The following RELN variants were observed in gnomAD, a reference collection of about 807,000 sequenced individuals.
RELN encodes reelin.
A neutral mutation model predicts 427.6 loss-of-function variants in RELN; 108 were observed. That is an observed-to-expected ratio of 0.25 (90% CI 0.22 to 0.30). The LOEUF is 0.30. Among genes scored for constraint, RELN ranks in the 10% least tolerant of loss-of-function variants. The pLI is 1.00. For synonymous variants in RELN, 1,524 were observed against 1,513.4 expected (o/e 1.01, Z -0.16); for missense variants, 3,715 against 4,302.8 (o/e 0.86, Z 3.82).
intron 2 of RELN, among the ~76,000 whole-genome samples, chr7:103,852,642 A>T (rs1793851588): frequency 6.6e-6 from 1 of 152,038 alleles, no homozygotes; most frequent in Non-Finnish European, 1.5e-5. Flanking sequence ...TTTCTGGCAA[A>T]GAAACTTCAT....
At chr7:103,627,955 C>G (rs1449855808) in intron 20 of RELN, 1 of 152,166 alleles carries the variant, frequency 6.6e-6, no homozygotes, top group South Asian at 2.1e-4. Flanking sequence ...AAATGCTCAG[C>G]AACTTTTGCA....
At chr7:103,664,518 T>C (rs1033213617) in intron 11 of RELN, among the ~76,000 whole-genome samples, 5 of 152,212 alleles carry the variant, frequency 3.3e-5, no homozygotes, top group South Asian at 2.1e-4. Context: ...TGGTAGAGTA[T>C]ATATCTAGAA....
chr7:103,773,645 T>G (rs907211426), intron 4 of RELN, among the ~76,000 whole-genome samples: 5 of 151,974 alleles, frequency 3.3e-5, no homozygotes, highest in Non-Finnish European at 7.4e-5. Flanking sequence ...AATTTTTGTA[T>G]TTTTGGTAGA....
At chr7:103,509,307 A>G (rs989606750) in intron 51 of RELN, among the ~76,000 whole-genome samples, 41 of 152,324 alleles carry the variant, frequency 2.7e-4, no homozygotes, top group African/African-American at 9.1e-4. Flanking sequence ...AAACAGTTAT[A>G]TAGACCAATC....
At chr7:103,585,894 G>T (rs956637411) in intron 28 of RELN, among the ~76,000 whole-genome samples, 1 of 152,182 alleles carries the variant, frequency 6.6e-6, no homozygotes, top group Non-Finnish European at 1.5e-5. Flanking sequence ...TGTAAGGATA[G>T]TTCAACACAC....
chr7:103,627,336 G>A (rs960605856), intron 20 of RELN, among the ~76,000 whole-genome samples: 3 of 151,936 alleles, frequency 2.0e-5, no homozygotes, highest in African/African-American at 7.3e-5. Context: ...ATAAATAGTT[G>A]GTCAATATCA....
chr7:103,489,834 T>C lies in RELN; in HGVS notation c.9671A>G (p.His3224Arg). 6.2e-7 allele frequency: 1 copy of C among 1,614,198 alleles called. No homozygotes were observed. Among genetic ancestry groups the C allele is most frequent in the Non-Finnish European group, 8.5e-7 (1 of 1,180,026 alleles). Residue 3224 changes from histidine to arginine, a missense_variant, in exon 60 of 65, where the codon CAC becomes CGC. This residue lies in a region of RELN where 1,310 missense variants were observed against 1,643.0 expected (regional missense o/e 0.80). Coordinates refer to ENST00000428762, the MANE Select transcript of RELN (RefSeq NM_005045.4). ...ETEKQSWAID[H>R]VYIGEACPKL... The stretch of plus-strand genomic sequence containing the variant: ...GGGGCAAGCCTCTCCAATGTACACG[T>C]GGTCAATTGCCCAGCTTTGCTTCTC...
intron 6 of RELN, among the ~76,000 whole-genome samples, chr7:103,731,908 A>T (rs12538672): frequency 0.27 from 40,345 of 151,998 alleles, 5,464 homozygotes; most frequent in South Asian, 0.39. Flanking sequence ...TATAAAAATT[A>T]TTAATTACAA....
intron 5 of RELN, among the ~76,000 whole-genome samples, chr7:103,752,640 C>T (rs28627235): frequency 0.051 from 7,688 of 152,074 alleles, 681 homozygotes; most frequent in African/African-American, 0.18. Flanking sequence ...GTCTTAAACA[C>T]CTGGTCTCAA....
chr7:103,857,310 G>A (rs1793969594), intron 2 of RELN, among the ~76,000 whole-genome samples: 1 of 152,158 alleles, frequency 6.6e-6, no homozygotes, highest in Non-Finnish European at 1.5e-5. Flanking sequence ...AAGAAATGAG[G>A]AGAGCACCAT....
chr7:103,721,869 T>G lies in RELN; in HGVS notation c.805+1271A>C, dbSNP rs57652685. 8.9e-3 allele frequency among the ~76,000 whole-genome samples: 1,348 copies of G among 152,310 alleles called. 26 individuals carry two copies. Among genetic ancestry groups the G allele is most frequent in the African/African-American group, 0.031 (1,291 of 41,556 alleles). ...TTATTGTGATTAAGAGGCTCTAAGT[T>G]GCCTGTCACGCTACAGTTAAAAAAA... On this transcript the variant is annotated intron_variant, in intron 8 of 64. Coordinates refer to ENST00000428762, the MANE Select transcript of RELN (RefSeq NM_005045.4).
intron 2 of RELN, among the ~76,000 whole-genome samples, chr7:103,853,404 A>T (rs193274990): frequency 4.6e-5 from 7 of 152,106 alleles, no homozygotes; most frequent in Admixed American, 4.6e-4. Flanking sequence ...TTTTTCATTC[A>T]AATTCTATCA....
At chr7:103,742,037 G>A (rs577626097) in intron 6 of RELN, among the ~76,000 whole-genome samples, 15 of 152,156 alleles carry the variant, frequency 9.9e-5, no homozygotes, top group African/African-American at 2.2e-4. Flanking sequence ...GACTGACACC[G>A]CACACGGCCA....
chr7:103,502,686 C>T (rs979947993), intron 52 of RELN, among the ~76,000 whole-genome samples: 5 of 152,184 alleles, frequency 3.3e-5, no homozygotes, highest in African/African-American at 1.2e-4. Context: ...CAGAGGTCCA[C>T]AGTCTACAAG....
chr7:103,505,295 G>A (rs1450097766), intron 51 of RELN, among the ~76,000 whole-genome samples: 1 of 152,168 alleles, frequency 6.6e-6, no homozygotes, highest in African/African-American at 2.4e-5. Flanking sequence ...AGTAGGGGCC[G>A]ACAGACACCT....
chr7:103,492,373 C>CATTG (rs1828702086), intron 57 of RELN, among the ~76,000 whole-genome samples: 1 of 152,136 alleles, frequency 6.6e-6, no homozygotes, highest in Non-Finnish European at 1.5e-5. Flanking sequence ...AAAACAATTT[C>CATTG]ATTGATAGCC....
At chr7:103,810,661 G>GAA (rs1311531869) in intron 3 of RELN, among the ~76,000 whole-genome samples, 1 of 146,848 alleles carries the variant, frequency 6.8e-6, no homozygotes, top group Admixed American at 6.8e-5. Flanking sequence ...TTCCTTGCAG[G>GAA]AAAAAAAAAA....
intron 3 of RELN, among the ~76,000 whole-genome samples, chr7:103,781,551 G>C (rs1791890797): frequency 6.6e-6 from 1 of 151,938 alleles, no homozygotes; most frequent in Non-Finnish European, 1.5e-5. Context: ...CACTCTTTTA[G>C]CATTTTCAAG....
At chr7:103,492,887 G>T (rs948995915) in intron 57 of RELN, among the ~76,000 whole-genome samples, 7 of 151,980 alleles carry the variant, frequency 4.6e-5, no homozygotes, top group African/African-American at 1.7e-4. Context: ...TGTGAGTGAA[G>T]ACAAAGTAGG....
Sources: allele counts gnomAD v4.1 joint callset (sites outside exome capture counted in the v4.1 genomes callset), GRCh38; gene constraint gnomAD v4.1.1; regional missense constraint gnomAD v4.1.1; transcripts MANE v1.5; gene names NCBI Gene and HGNC (gene_info 2026-07-23, HGNC 2026-07-21).